Variants in SLC25A21 observed in about 807,000 individuals in gnomAD.
SLC25A21 encodes the protein mitochondrial 2-oxodicarboxylate carrier.
In SLC25A21, 47 loss-of-function variants were observed where a neutral mutation model predicts 43.8. The ratio of observed to expected loss-of-function variants is 1.07; its 90% CI spans 0.85 to 1.37. The LOEUF (loss-of-function observed/expected upper bound fraction) is 1.37. Ranked by LOEUF, SLC25A21 falls within the 40% of genes most tolerant of loss-of-function variation. SLC25A21 has a pLI of 0.00. For synonymous variants in SLC25A21, 131 were observed against 121.3 expected, an observed-to-expected ratio of 1.08 and a Z score of -0.52; for missense variants, 352 against 350.2, an observed-to-expected ratio of 1.00 and a Z score of -0.04.
At chr14:36,824,122 T>G (rs146966440) in intron 2 of SLC25A21, among the ~76,000 whole-genome samples, 179 of 152,292 alleles carry the variant, frequency 1.2e-3, no homozygotes, top group Admixed American at 2.4e-3. Flanking sequence ...CCATTTTATT[T>G]TAAGTGATCA....
chr14:37,158,743 C>G (rs66602812), intron 1 of SLC25A21, among the ~76,000 whole-genome samples: 59,943 of 151,768 alleles, frequency 0.39, 12,725 homozygotes, highest in African/African-American at 0.56. Flanking sequence ...AGCAATCAGC[C>G]AAGAGAAAGA....
intron 7 of SLC25A21, among the ~76,000 whole-genome samples, chr14:36,700,054 A>G (rs1330160740): frequency 6.6e-6 from 1 of 152,102 alleles, no homozygotes; most frequent in African/African-American, 2.4e-5. Flanking sequence ...TGCAGACTGG[A>G]GCTGTTCCTA....
intron 1 of SLC25A21, among the ~76,000 whole-genome samples, chr14:37,162,024 G>A (rs1314035980): frequency 6.7e-6 from 1 of 148,426 alleles, no homozygotes; most frequent in Non-Finnish European, 1.5e-5. Flanking sequence ...GATAGGGAGA[G>A]AACACCAAGT....
At chr14:37,110,105 G>GA (rs971157695) in intron 1 of SLC25A21, among the ~76,000 whole-genome samples, 2 of 152,210 alleles carry the variant, frequency 1.3e-5, no homozygotes, top group Admixed American at 6.5e-5. Flanking sequence ...TCATACTTGT[G>GA]AAAAAAATGT....
In SLC25A21 at chr14:36,883,632, T is replaced by C. The variant is rs767087709; in HGVS notation, c.71-8628A>G. Among the ~76,000 whole-genome samples the C allele has an allele frequency of 1.5e-4, 23 of 152,168 alleles. 1 individual carries two copies. Among genetic ancestry groups the C allele is most frequent in the Non-Finnish European group, 3.2e-4 (22 of 68,038 alleles). On this transcript the variant is annotated intron_variant, in intron 1 of 9. Transcript: ENST00000331299. The stretch of plus-strand genomic sequence containing the variant: ...TACCCAGAACATGCCTGGCACCTAG[T>C]AGTGCTCAATAAATGTTTGTTGAAA...
chr14:36,732,253 T>C (rs1884855659), intron 4 of SLC25A21, among the ~76,000 whole-genome samples: 1 of 151,896 alleles, frequency 6.6e-6, no homozygotes, highest in South Asian at 2.1e-4. Flanking sequence ...CTATGATTGG[T>C]ATAGGTATAC....
chr14:37,154,128 G>A (rs1040174236), intron 1 of SLC25A21, among the ~76,000 whole-genome samples: 1 of 152,062 alleles, frequency 6.6e-6, no homozygotes, highest in East Asian at 1.9e-4. Flanking sequence ...GGGGCACAAA[G>A]ATAGGGATAC....
chr14:36,833,472 C>T (rs1024225884), intron 2 of SLC25A21, among the ~76,000 whole-genome samples: 5 of 152,140 alleles, frequency 3.3e-5, no homozygotes, highest in East Asian at 1.9e-4. Context: ...GATCTTTAAA[C>T]GCTTAGGAAT....
intron 3 of SLC25A21, among the ~76,000 whole-genome samples, chr14:36,797,786 A>G (rs1400441763): frequency 6.6e-6 from 1 of 152,192 alleles, no homozygotes; most frequent in Non-Finnish European, 1.5e-5. Flanking sequence ...CTTATTTGAA[A>G]AGCCTGAATA....
chr14:37,026,569 G>A (rs145336617), intron 1 of SLC25A21, among the ~76,000 whole-genome samples: 1 of 152,210 alleles, frequency 6.6e-6, no homozygotes, highest in African/African-American at 2.4e-5. Context: ...ACTATTTTGT[G>A]AAATATTGTG....
At chr14:36,688,568 G>A (rs780220710) in intron 7 of SLC25A21, among the ~76,000 whole-genome samples, 4 of 152,298 alleles carry the variant, frequency 2.6e-5, no homozygotes, top group Non-Finnish European at 4.4e-5. Context: ...GCATCAGGAC[G>A]GCTGCCTGCC....
chr14:37,161,466 C>T (rs1436546812), intron 1 of SLC25A21, among the ~76,000 whole-genome samples: 1 of 152,090 alleles, frequency 6.6e-6, no homozygotes, highest in Non-Finnish European at 1.5e-5. Flanking sequence ...GAGAAAAATA[C>T]AATAGAATGT....
intron 1 of SLC25A21, among the ~76,000 whole-genome samples, chr14:37,163,583 A>C (rs1308375010): frequency 6.6e-6 from 1 of 152,194 alleles, no homozygotes; most frequent in African/African-American, 2.4e-5. Context: ...GAAATTGGTA[A>C]GAAAAATCGA....
chr14:37,156,968 G>A (rs1264030854), intron 1 of SLC25A21, among the ~76,000 whole-genome samples: 1 of 152,166 alleles, frequency 6.6e-6, no homozygotes, highest in East Asian at 1.9e-4. Context: ...TCCAACAAGT[G>A]CTGAATATAC....
chr14:37,042,727 T>C (rs1488055637), intron 1 of SLC25A21, among the ~76,000 whole-genome samples: 2 of 152,204 alleles, frequency 1.3e-5, no homozygotes, highest in Non-Finnish European at 2.9e-5. Flanking sequence ...TGGGAAAACA[T>C]ACCTATTGTG....
chr14:37,116,188 C>A (rs1028484519), intron 1 of SLC25A21, among the ~76,000 whole-genome samples: 1 of 152,148 alleles, frequency 6.6e-6, no homozygotes, highest in East Asian at 1.9e-4. Flanking sequence ...ATGTAAGACA[C>A]TGTAAACTTC....
intron 1 of SLC25A21, among the ~76,000 whole-genome samples, chr14:37,111,045 A>G (rs1566889241): frequency 6.6e-6 from 1 of 152,208 alleles, no homozygotes; most frequent in Non-Finnish European, 1.5e-5. Context: ...AGAAGACATG[A>G]ATTCTGCTTT....
intron 1 of SLC25A21, among the ~76,000 whole-genome samples, chr14:36,904,567 A>C (rs1052100999): frequency 1.3e-5 from 2 of 152,206 alleles, no homozygotes; most frequent in African/African-American, 4.8e-5. Flanking sequence ...GATAATACAC[A>C]AGACTGGGTA....
chr14:37,172,281 C>G lies in SLC25A21; in HGVS notation c.70G>C (p.Gly24Arg), dbSNP rs1435156832. The change falls in exon 1 of 10, where the codon GGT becomes CGT. Residue 24 changes from glycine (G) to arginine (R), a missense_variant and splice_region_variant. Transcript: ENST00000331299. ...SRQIVAGGSA[G>R]LVEICLMHPL... is the part of the protein sequence containing the mutation. ...GCGGGGCAGGGCGGGCTGTCCTTAC[C>G]TGCAGAACCACCGGCCACGATCTGC... is the stretch of plus-strand genomic sequence containing the variant. The G allele has an allele frequency of 1.3e-6, 2 of 1,595,206 alleles. No individual in the cohort carries two copies. Among genetic ancestry groups the G allele is most frequent in the African/African-American group, 2.7e-5 (2 of 74,692 alleles).
Sources: gnomAD v4.1 joint callset for allele counts (sites outside exome capture counted in the v4.1 genomes callset) on GRCh38, gnomAD v4.1.1 for gene constraint, MANE v1.5 for transcripts, NCBI Gene and HGNC (gene_info 2026-07-23, HGNC 2026-07-21) for gene names.